The following HIPK3 variants were observed in gnomAD, a reference collection of about 807,000 sequenced individuals.
The protein encoded by HIPK3 is homeodomain interacting protein kinase 3.
In HIPK3, 47 loss-of-function variants were observed where a neutral mutation model predicts 124.2. That is an observed-to-expected ratio of 0.38 (90% CI 0.30 to 0.48). The LOEUF (loss-of-function observed/expected upper bound fraction) is 0.48, where lower values mean the gene tolerates loss of function less well. Among genes scored for constraint, HIPK3 ranks in the 20% least tolerant of loss-of-function variants. The pLI is 0.98. For synonymous variants in HIPK3, 482 were observed against 515.2 expected (o/e 0.94, Z 0.87); for missense variants, 1,286 against 1,454.3 (o/e 0.88, Z 1.88).
At chr11:33,302,555 C>T (rs918311345) in intron 2 of HIPK3, among the ~76,000 whole-genome samples, 9 of 151,988 alleles carry the variant, frequency 5.9e-5, no homozygotes, top group Non-Finnish European at 8.8e-5. Flanking sequence ...AGGGTGGTCT[C>T]GAACTCCTGA....
intron 1 of HIPK3, among the ~76,000 whole-genome samples, chr11:33,272,441 G>C (rs1387383267): frequency 6.6e-6 from 1 of 151,902 alleles, no homozygotes; most frequent in East Asian, 1.9e-4. Flanking sequence ...TTTCTTTGTG[G>C]GTACTGTCTT....
chr11:33,257,339 A>G (rs1321500205), upstream of HIPK3: 1 of 984,180 alleles, frequency 1.0e-6, no homozygotes, highest in South Asian at 4.7e-5. Context: ...GCGGTGGCCG[A>G]GGCCGACGAG....
chr11:33,338,722 A>T, intron 4 of HIPK3, 35 bp from the exon 5 acceptor site: 1 of 1,341,534 alleles, frequency 7.5e-7, no homozygotes, highest in Non-Finnish European at 1.1e-6. Flanking sequence ...ATTTGTAATA[A>T]TGTATTCTTT....
In HIPK3 at chr11:33,345,879, T is replaced by TA. The variant is rs1359405844; in HGVS notation, c.1898-1413dup. On this transcript the variant is annotated intron_variant, in intron 8 of 16. Transcript: ENST00000303296. Reference sequence around the variant, plus strand: ...GGACATTCTCTTTAGGATTAACACTTACATCTGTGAAATAGAAAATTTGAG... The same window carrying TA: ...GGACATTCTCTTTAGGATTAACACTTAACATCTGTGAAATAGAAAATTTGAG... 1.3e-4 allele frequency among the ~76,000 whole-genome samples: 20 copies of TA among 152,264 alleles called. No individual in the cohort carries two copies. The South Asian group carries it at 1.5e-3, about 11-fold the overall frequency.
intron 1 of HIPK3, chr11:33,258,396 C>G (rs895548432): frequency 7.1e-6 from 7 of 985,686 alleles, no homozygotes; most frequent in African/African-American, 1.7e-5. Flanking sequence ...TGGCCGCGTC[C>G]CGGGCTTTGT....
chr11:33,268,270 A>G (rs1851026231), intron 1 of HIPK3, among the ~76,000 whole-genome samples: 1 of 152,128 alleles, frequency 6.6e-6, no homozygotes, highest in African/African-American at 2.4e-5. Flanking sequence ...CAATTTGGCA[A>G]CATTTTGATA....
At chr11:33,350,079 T>G (rs560498362) in intron 14 of HIPK3, among the ~76,000 whole-genome samples, 73 of 152,326 alleles carry the variant, frequency 4.8e-4, no homozygotes, top group African/African-American at 1.7e-3. Flanking sequence ...AATCTATTTT[T>G]GAAAGGATAA....
At chr11:33,273,235 TG>T (rs750046090) in intron 1 of HIPK3, among the ~76,000 whole-genome samples, 3 of 152,108 alleles carry the variant, frequency 2.0e-5, no homozygotes, top group Non-Finnish European at 4.4e-5. Flanking sequence ...CTGGGTGCGG[TG>T]GCTTACGCCT....
chr11:33,336,481 G>T (rs1335040604), intron 3 of HIPK3, among the ~76,000 whole-genome samples: 6 of 152,104 alleles, frequency 3.9e-5, no homozygotes. Context: ...TCTCAGTTCA[G>T]ACCCTCTTCA....
chr11:33,268,678 C>G lies in HIPK3; in HGVS notation c.-3+10789C>G, dbSNP rs1851043413. 2.0e-5 allele frequency among the ~76,000 whole-genome samples: 3 copies of G among 151,708 alleles called. No individual in the cohort carries two copies. In the South Asian group the frequency reaches 6.2e-4, roughly 32 times the overall value. On this transcript the variant is annotated intron_variant, in intron 1 of 16. Transcript: ENST00000303296. Reference sequence around the variant, plus strand: ...TGATGACATGATTAATTGCCAGTAGCCTTGAACAGAAAATTTTCGGGAGTG... The same window carrying G: ...TGATGACATGATTAATTGCCAGTAGGCTTGAACAGAAAATTTTCGGGAGTG...
chr11:33,322,979 G>A (rs957267734), intron 2 of HIPK3, among the ~76,000 whole-genome samples: 1 of 152,212 alleles, frequency 6.6e-6, no homozygotes, highest in East Asian at 1.9e-4. Flanking sequence ...GAGCACTGGA[G>A]TGTGTTCTTC....
intron 8 of HIPK3, 43 bp from the exon 9 acceptor site, chr11:33,347,250 A>G (rs1209304541): frequency 1.8e-5 from 28 of 1,544,750 alleles, no homozygotes; most frequent in Non-Finnish European, 2.4e-5. Flanking sequence ...GTTAAATAAG[A>G]GGAAGATTTT....
Position 33,353,294 on chromosome 11 carries a change from C to T in HIPK3, c.3374C>T (p.Ala1125Val), listed in dbSNP as rs757998887. 17 of 1,614,200 alleles carry T rather than the reference C, an allele frequency of 1.1e-5. No individual in the cohort carries two copies. The highest frequency in any genetic ancestry group is 1.4e-5 in the Non-Finnish European group (17 of 1,180,026). Residue 1125 changes from alanine to valine, a missense_variant, in exon 17 of 17, where the codon GCC (alanine) becomes GTC (valine). Around this residue, in one of 3 missense-constraint regions of HIPK3, gnomAD observed 810 missense variants for 864.9 expected, o/e 0.94. Coordinates refer to ENST00000303296, the MANE Select transcript of HIPK3 (RefSeq NM_005734.5). ...QPTLLPYPSS[A>V]TLSSAAPVAH... is the part of the protein sequence containing the mutation. Reference sequence around the variant, plus strand: ...ACTCTACTTCCATACCCATCATCAGCCACCCTCAGTAGTGCTGCACCAGTG... The same window carrying T: ...ACTCTACTTCCATACCCATCATCAGTCACCCTCAGTAGTGCTGCACCAGTG...
At chr11:33,270,462 C>G (rs1444763267) in intron 1 of HIPK3, among the ~76,000 whole-genome samples, 1 of 151,994 alleles carries the variant, frequency 6.6e-6, no homozygotes, top group African/African-American at 2.4e-5. Flanking sequence ...GCGCCTGCCA[C>G]CACGCCCGGC....
chr11:33,287,652 T>A, intron 2 of HIPK3, 141 bp downstream of exon 2: 2 of 906,720 alleles, frequency 2.2e-6, no homozygotes, highest in Non-Finnish European at 3.3e-6. Context: ...AGGTTCGTTT[T>A]AAAGAGATTA....
chr11:33,326,720 G>A (rs1486116778), intron 2 of HIPK3, among the ~76,000 whole-genome samples: 2 of 151,224 alleles, frequency 1.3e-5, no homozygotes, highest in Non-Finnish European at 2.9e-5. Flanking sequence ...CCCTCAGGCT[G>A]GAGTGCAGTG....
In HIPK3 at chr11:33,320,271, C is replaced by G. The variant is rs1340563152; in HGVS notation, c.1098-8239C>G. On this transcript the variant is annotated intron_variant, in intron 2 of 16. Coordinates refer to ENST00000303296, the MANE Select transcript of HIPK3 (RefSeq NM_005734.5). ...TAATTTATGTATTAAATGGATCACTCAAGCTGCTAGATTGAGAATAGATGG... is the reference window on the plus strand; with the variant it reads ...TAATTTATGTATTAAATGGATCACTGAAGCTGCTAGATTGAGAATAGATGG... 2.0e-5 allele frequency among the ~76,000 whole-genome samples: 3 copies of G among 152,188 alleles called. No individual in the cohort carries two copies. In the South Asian group the frequency reaches 6.2e-4, roughly 31 times the overall value.
At chr11:33,328,332 C>T (rs1467865478) in intron 2 of HIPK3, among the ~76,000 whole-genome samples, 178 bp from the exon 3 acceptor site, 1 of 152,096 alleles carries the variant, frequency 6.6e-6, no homozygotes, top group East Asian at 1.9e-4. Flanking sequence ...ACTCATAGTA[C>T]CCCTTTCAGA....
chr11:33,257,832 C>G lies in HIPK3; in HGVS notation c.-60C>G. ...CCCCGGCACGGCCCTGCGCCCCACC[C>G]CGGACATGCTCAGGGCTGCGGCCGC... On this transcript the variant is annotated 5_prime_UTR_variant, in exon 1 of 17. Transcript: ENST00000303296. 1.0e-6 allele frequency: 1 copy of G among 986,164 alleles called. No individual in the cohort carries two copies. The highest frequency in any genetic ancestry group is 4.7e-5 in the South Asian group (1 of 21,326). 61.1% of individuals were successfully genotyped at this position (986,164 alleles called of 1,614,324 possible). A position where few individuals can be genotyped will look rare whatever the true frequency, so the allele number is the denominator to read the frequency against.
Sources: allele counts gnomAD v4.1 joint callset (sites outside exome capture counted in the v4.1 genomes callset), GRCh38; gene constraint gnomAD v4.1.1; regional missense constraint gnomAD v4.1.1; transcripts MANE v1.5; gene names NCBI Gene and HGNC (gene_info 2026-07-23, HGNC 2026-07-21).